Variants in PKNOX2 observed in about 807,000 individuals in gnomAD.
PKNOX2 encodes the protein homeobox protein PKNOX2.
A neutral mutation model predicts 53.1 loss-of-function variants in PKNOX2; 14 were observed. The ratio of observed to expected loss-of-function variants is 0.26; its 90% CI spans 0.17 to 0.41. The LOEUF is 0.41. Ranked by LOEUF, PKNOX2 falls within the 10% of genes least tolerant of loss-of-function variation. The pLI is 1.00. For synonymous variants in PKNOX2, 257 were observed against 242.8 expected, an observed-to-expected ratio of 1.06 and a Z score of -0.54; for missense variants, 496 against 602.8, an observed-to-expected ratio of 0.82 and a Z score of 1.85.
At position 125,223,784 on chromosome 11, in the gene PKNOX2, T is replaced by C. The variant is rs192070243; in HGVS notation, c.-200-11261T>C. Reference sequence around the variant, plus strand: ...ACGTTGGATCTATGAAGCTATTGAATAGCTAAATCACATGCTGGTGAGGAA... The same window carrying C: ...ACGTTGGATCTATGAAGCTATTGAACAGCTAAATCACATGCTGGTGAGGAA... On this transcript the variant is annotated intron_variant, in intron 1 of 12. Coordinates refer to ENST00000298282, the MANE Select transcript of PKNOX2 (RefSeq NM_001382323.2). 7.2e-5 allele frequency among the ~76,000 whole-genome samples: 11 copies of C among 152,328 alleles called. No individual in the cohort carries two copies. In the East Asian group the frequency reaches 1.2e-3, roughly 16 times the overall value.
At chr11:125,412,651 T>C (rs1955629848) in intron 10 of PKNOX2, among the ~76,000 whole-genome samples, 1 of 152,048 alleles carries the variant, frequency 6.6e-6, no homozygotes, top group African/African-American at 2.4e-5. Context: ...TGTGTGTGTG[T>C]TCTGGGGTGG....
At chr11:125,365,497 T>G (rs1353362107) in intron 4 of PKNOX2, among the ~76,000 whole-genome samples, 1 of 152,242 alleles carries the variant, frequency 6.6e-6, no homozygotes, top group African/African-American at 2.4e-5. Context: ...TGTTAAATTT[T>G]AACTTATTAG....
Position 125,389,934 on chromosome 11 carries a change from G to GA in PKNOX2, c.399+4213dup, listed in dbSNP as rs1052407289. ...CCCAGGCCCCTGGGCCCACTCTGAA[G>GA]AGGCAGGGCCAGAGGCGGAGGCTGT... On this transcript the variant is annotated intron_variant, in intron 6 of 12. Transcript: ENST00000298282. Among the ~76,000 whole-genome samples, 33 of 152,318 alleles carry GA rather than the reference G, an allele frequency of 2.2e-4. 1 individual carries two copies. The highest frequency in any genetic ancestry group is 2.0e-3 in the Admixed American group (30 of 15,306).
intron 4 of PKNOX2, among the ~76,000 whole-genome samples, chr11:125,362,441 A>G (rs909132588): frequency 3.9e-5 from 6 of 152,258 alleles, no homozygotes; most frequent in East Asian, 3.9e-4. Flanking sequence ...TGGTACGACC[A>G]TAGTTCACAG....
rs1954906714 is a variant in PKNOX2 at position 125,166,735 on chromosome 11, C to T, written c.-201+1959C>T. ...ATTGGAGCCGCTTCCTGTGCTTACC[C>T]GCGCCGGACTGAGAAGCCCACAAAC... is the stretch of plus-strand genomic sequence containing the variant. On this transcript the variant is annotated intron_variant, in intron 1 of 12. Transcript: ENST00000298282. This position sits in a 1 kb window ranked among gnomAD's most constrained non-coding sequence, Gnocchi z 4.0. Among the ~76,000 whole-genome samples the T allele has an allele frequency of 6.6e-6, 1 of 152,202 alleles. No individual in the cohort carries two copies. The highest frequency in any genetic ancestry group is 2.4e-5 in the African/African-American group (1 of 41,456).
intron 2 of PKNOX2, among the ~76,000 whole-genome samples, chr11:125,300,688 G>A (rs369384010): frequency 6.6e-5 from 10 of 152,216 alleles, no homozygotes; most frequent in African/African-American, 1.9e-4. Flanking sequence ...GCAGGAGAGG[G>A]GAGGGAGGGA....
intron 2 of PKNOX2, among the ~76,000 whole-genome samples, chr11:125,294,826 A>G (rs1366413602): frequency 6.6e-6 from 1 of 152,240 alleles, no homozygotes; most frequent in Non-Finnish European, 1.5e-5. Context: ...CACAAACTAC[A>G]TGCCAACAAT....
At chr11:125,327,886 G>C (rs967644927) in intron 2 of PKNOX2, among the ~76,000 whole-genome samples, 1 of 152,234 alleles carries the variant, frequency 6.6e-6, no homozygotes, top group Non-Finnish European at 1.5e-5. Flanking sequence ...GGGCATGCTG[G>C]TGTCACCTCT....
rs1368594217 is a variant in PKNOX2, at chr11:125,292,881, G to A, written c.-129-38938G>A. 2.6e-5 allele frequency among the ~76,000 whole-genome samples: 4 copies of A among 152,192 alleles called. No homozygotes were observed. In the East Asian group the frequency reaches 7.7e-4, roughly 29 times the overall value. On this transcript the variant is annotated intron_variant, in intron 2 of 12. Transcript: ENST00000298282. ...CCTCTTGATGTGCATGTACGGTATG[G>A]AAGTGGGGATCTCGGAGAACCAGAA...
At chr11:125,242,730 CCTT>C (rs1173059906) in intron 2 of PKNOX2, among the ~76,000 whole-genome samples, 3 of 151,610 alleles carry the variant, frequency 2.0e-5, no homozygotes, top group Admixed American at 1.3e-4. Flanking sequence ...GCGGGTGTGT[CCTT>C]CTTGGCTCCT....
chr11:125,401,612 A>G (rs541025467), intron 7 of PKNOX2, among the ~76,000 whole-genome samples: 1 of 152,220 alleles, frequency 6.6e-6, no homozygotes, highest in South Asian at 2.1e-4. Context: ...CCCTGTCATT[A>G]TTGCACTAAG....
At chr11:125,245,862 T>G (rs1437140110) in intron 2 of PKNOX2, among the ~76,000 whole-genome samples, 1 of 152,184 alleles carries the variant, frequency 6.6e-6, no homozygotes, top group Non-Finnish European at 1.5e-5. Flanking sequence ...TCCCAACTAC[T>G]GGGAGGGAAG....
chr11:125,217,484 C>T (rs1940659422), intron 1 of PKNOX2, among the ~76,000 whole-genome samples: 1 of 152,218 alleles, frequency 6.6e-6, no homozygotes, highest in Admixed American at 6.5e-5. Context: ...AGCCTCACTG[C>T]AAGGCCAGCT....
chr11:125,368,070 G>C (rs1482723468), intron 5 of PKNOX2, 85 bp downstream of exon 5: 6 of 1,496,562 alleles, frequency 4.0e-6, no homozygotes, highest in Non-Finnish European at 4.5e-6. Flanking sequence ...CAGGCCAAAG[G>C]GTGGGCTCGG....
At chr11:125,338,937 T>A (rs1407512322) in intron 3 of PKNOX2, among the ~76,000 whole-genome samples, 1 of 152,214 alleles carries the variant, frequency 6.6e-6, no homozygotes, top group Admixed American at 6.5e-5. Context: ...ATGGGTTGCG[T>A]TGCGCAAGTC....
intron 2 of PKNOX2, among the ~76,000 whole-genome samples, chr11:125,304,982 G>A (rs557675538): frequency 5.9e-5 from 9 of 152,282 alleles, no homozygotes; most frequent in South Asian, 2.1e-4. Context: ...CTCCTTACAC[G>A]CAAGGAAATG....
chr11:125,398,402 T>C (rs1954541737), intron 7 of PKNOX2, among the ~76,000 whole-genome samples: 1 of 152,218 alleles, frequency 6.6e-6, no homozygotes, highest in African/African-American at 2.4e-5. Flanking sequence ...GAGGATGAGC[T>C]GGGACAGGCT....
At chr11:125,182,738 T>C (rs939891254) in intron 1 of PKNOX2, among the ~76,000 whole-genome samples, 2 of 152,204 alleles carry the variant, frequency 1.3e-5, no homozygotes, top group African/African-American at 4.8e-5. Flanking sequence ...TCATGGCTCC[T>C]GGCCCATTTC....
chr11:125,398,282 T>A (rs1201094153), intron 7 of PKNOX2, among the ~76,000 whole-genome samples: 1 of 152,212 alleles, frequency 6.6e-6, no homozygotes, highest in African/African-American at 2.4e-5. Context: ...AGTATTCCCT[T>A]GAAAATGACC....
Sources: gnomAD v4.1 joint callset for allele counts (sites outside exome capture counted in the v4.1 genomes callset) on GRCh38, gnomAD v4.1.1 for gene constraint, Gnocchi (gnomAD v3.1) non-coding constraint, MANE v1.5 for transcripts, NCBI Gene and HGNC (gene_info 2026-07-23, HGNC 2026-07-21) for gene names.